DDX56: variants seen among roughly 807,000 people sequenced by gnomAD.
DDX56 encodes the protein probable ATP-dependent RNA helicase DDX56.
Under a neutral mutation model 61.5 loss-of-function variants are expected in DDX56, and 45 were observed. The observed-to-expected ratio is 0.73, with a 90% CI of 0.58 to 0.94. The LOEUF (loss-of-function observed/expected upper bound fraction) is 0.94, where lower values mean the gene tolerates loss of function less well. Ranked by LOEUF, DDX56 falls within the 40% of genes least tolerant of loss-of-function variation. The probability of loss-of-function intolerance (pLI) is 0.00; values close to 1 mark genes in which losing one functional copy is unlikely to be tolerated. For synonymous variants in DDX56, 273 were observed against 268.3 expected, an observed-to-expected ratio of 1.02 and a Z score of -0.17; for missense variants, 708 against 690.7, an observed-to-expected ratio of 1.02 and a Z score of -0.28.
chr7:44,566,121 G>A (rs186524717), intron 13 of DDX56, 42 bp from the exon 14 acceptor site: 7 of 1,366,750 alleles, frequency 5.1e-6, no homozygotes, highest in Non-Finnish European at 7.1e-6. Flanking sequence ...GAATCAGGCC[G>A]ACAGACAATC....
Position 44,572,898 on chromosome 7 carries a change from G to T in DDX56, c.375C>A (p.Val125=), listed in dbSNP as rs142767723. 7 of 1,591,066 alleles carry T rather than the reference G, an allele frequency of 4.4e-6. No homozygotes were observed. In the African/African-American group the frequency reaches 8.1e-5, roughly 18 times the overall value. The change falls in exon 3 of 14, where the codon GTC becomes GTA. Residue 125 remains valine (V), a synonymous_variant. Transcript: ENST00000258772. ...VANVSAAEDS[V]SQRAVLMEKP... ...TTGCTGCTTTTACCCACCTCTGAGA[G>T]ACTGAGTCTTCAGCAGCTGAGACAT...
At chr7:44,567,817 T>C (rs1802580244) in intron 12 of DDX56, 1 of 459,418 alleles carries the variant, frequency 2.2e-6, no homozygotes, top group South Asian at 2.1e-5. Flanking sequence ...GACCCATGGA[T>C]GGCCATTTGG....
chr7:44,571,597 A>T lies in DDX56; in HGVS notation c.785T>A (p.Leu262Gln), dbSNP rs945819203. ...CCGTTCTAGAGTGTTGACAAAGAGC[A>T]GAGACTTGCCCCGAATCAATGACAG... is the stretch of plus-strand genomic sequence containing the variant. ...LKLSLIRGKS[L>Q]LFVNTLERSY... The change falls in exon 6 of 14, where the codon CTG becomes CAG. Residue 262 changes from leucine (L) to glutamine (Q), a missense_variant. Leu to Gln is a moderately radical substitution (Grantham distance 113, BLOSUM62 -2). Coordinates refer to ENST00000258772, the MANE Select transcript of DDX56 (RefSeq NM_019082.4). 4.3e-6 allele frequency: 7 copies of T among 1,614,048 alleles called. No individual in the cohort carries two copies. The highest frequency in any genetic ancestry group is 1.3e-5 in the African/African-American group (1 of 74,924).
chr7:44,568,314 T>TTATCC, intron 11 of DDX56, 91 bp from the exon 12 acceptor site: 1 of 912,038 alleles, frequency 1.1e-6, no homozygotes, highest in Non-Finnish European at 1.7e-6. Flanking sequence ...CACTCATGTG[T>TTATCC]TTCAAAAGGC....
intron 12 of DDX56, 107 bp from the exon 13 acceptor site, chr7:44,566,631 T>G (rs1802544219): frequency 2.4e-6 from 2 of 821,806 alleles, no homozygotes; most frequent in Admixed American, 5.3e-5. Context: ...ACTGGCAGCC[T>G]ATGACATACA....
chr7:44,573,354 G>A (rs1055260590), intron 2 of DDX56, among the ~76,000 whole-genome samples: 1 of 152,224 alleles, frequency 6.6e-6, no homozygotes, highest in Non-Finnish European at 1.5e-5. Context: ...ATGTAAGAAA[G>A]AAAAGAAAGT....
intron 5 of DDX56, among the ~76,000 whole-genome samples, chr7:44,571,997 C>T (rs940884468): frequency 6.6e-6 from 1 of 152,306 alleles, no homozygotes; most frequent in South Asian, 2.1e-4. Flanking sequence ...TAAAGGACTA[C>T]ATTGAGAAGG....
chr7:44,573,899 G>C lies in DDX56; in HGVS notation c.-4C>G. Reference sequence around the variant, plus strand: ...CCAGTGCTTCAGAGTCCTCCATGGCGCTGCTCAGTAGCGCAGCACGCACGC... The same window carrying C: ...CCAGTGCTTCAGAGTCCTCCATGGCCCTGCTCAGTAGCGCAGCACGCACGC... On this transcript the variant is annotated 5_prime_UTR_variant, in exon 1 of 14. Transcript: ENST00000258772. 1 of 1,612,992 alleles carries C rather than the reference G, an allele frequency of 6.2e-7. No homozygotes were observed. Among genetic ancestry groups the C allele is most frequent in the Non-Finnish European group, 8.5e-7 (1 of 1,179,918 alleles).
chr7:44,567,823 T>G, intron 12 of DDX56: 1 of 460,508 alleles, frequency 2.2e-6, no homozygotes. Context: ...TGGATGGCCA[T>G]TTGGCCCAGC....
At chr7:44,571,400 C>T in intron 6 of DDX56, 92 bp downstream of exon 6, 2 of 1,490,918 alleles carry the variant, frequency 1.3e-6, no homozygotes, top group Non-Finnish European at 9.2e-7. Flanking sequence ...AACCTGGCCC[C>T]TACTAAGTGC....
At position 44,569,126 on chromosome 7, in the gene DDX56, T is replaced by A. The variant is rs1802610541; in HGVS notation, c.1293+4A>T. 2 of 1,613,542 alleles carry A rather than the reference T, an allele frequency of 1.2e-6. No individual in the cohort carries two copies. Among genetic ancestry groups the A allele is most frequent in the Non-Finnish European group, 1.7e-6 (2 of 1,179,706 alleles). Reference sequence around the variant, plus strand: ...TCATTCCCCTCCCCACCACAGCAGCTCACCCTGCAGCGATAGCGGAAGCCC... The same window carrying A: ...TCATTCCCCTCCCCACCACAGCAGCACACCCTGCAGCGATAGCGGAAGCCC... On this transcript the variant is annotated splice_donor_region_variant and intron_variant, in intron 10 of 13. Coordinates refer to ENST00000258772, the MANE Select transcript of DDX56 (RefSeq NM_019082.4).
Position 44,573,590 on chromosome 7 carries a change from C to T in DDX56, c.215G>A (p.Arg72Lys), listed in dbSNP as rs768299618. 4 of 1,613,560 alleles carry T rather than the reference C, an allele frequency of 2.5e-6. No individual in the cohort carries two copies. The East Asian group carries it at 6.7e-5, about 27-fold the overall frequency. The stretch of plus-strand genomic sequence containing the variant: ...AGCTCTCTCGTTACCCACCGCCTTC[C>T]TATGGAGCAACAGCTGCAGCATCGG... ...AIPMLQLLLH[R>K]KATGPVVEQA... Residue 72 changes from arginine (R) to lysine (K), a missense_variant, in exon 2 of 14, where the codon AGG (arginine) becomes AAG (lysine). Physicochemically the swap from Arg to Lys is conservative, Grantham distance 26. Transcript: ENST00000258772.
At chr7:44,571,267 G>T (rs1052821322) in intron 6 of DDX56, among the ~76,000 whole-genome samples, 1 of 152,152 alleles carries the variant, frequency 6.6e-6, no homozygotes, top group Non-Finnish European at 1.5e-5. Flanking sequence ...TTGAACTCCC[G>T]ACCTCAGGCG....
rs777678128 is a variant in DDX56 at position 44,573,741 on chromosome 7, C to A, written c.64G>T (p.Val22Phe). The A allele has an allele frequency of 1.9e-6, 3 of 1,613,566 alleles. No individual in the cohort carries two copies. Among genetic ancestry groups the A allele is most frequent in the South Asian group, 2.2e-5 (2 of 91,088 alleles). Reference sequence around the variant, plus strand: ...GGTCGCGACCAGCCCAGATCGGTGACAGCCTAGGAGACCAGGAGTGCGGTT... The same window carrying A: ...GGTCGCGACCAGCCCAGATCGGTGAAAGCCTAGGAGACCAGGAGTGCGGTT... The part of the protein sequence containing the change: ...MGLDPRLLQA[V>F]TDLGWSRPTL... The change falls in exon 2 of 14, where the codon GTC becomes TTC. Residue 22 changes from valine (V) to phenylalanine (F), a missense_variant. Coordinates refer to ENST00000258772, the MANE Select transcript of DDX56 (RefSeq NM_019082.4).
Position 44,569,873 on chromosome 7 carries a change from GACT to G in DDX56, c.1152_1154del (p.Val385del). The G allele has an allele frequency of 6.2e-7, 1 of 1,611,394 alleles. No individual in the cohort carries two copies. Among genetic ancestry groups the G allele is most frequent in the Non-Finnish European group, 8.5e-7 (1 of 1,178,662 alleles). On this transcript the variant is annotated inframe_deletion, in exon 9 of 14. Transcript: ENST00000258772. ...GCTCCGTGGGAAGCACAAAGGTTAA[GACT>G]ATGCCTGGGTTGTTAGCGCGTGCTG... is the stretch of plus-strand genomic sequence containing the variant.
intron 4 of DDX56, 52 bp from the exon 5 acceptor site, chr7:44,572,489 G>A (rs1562585299): frequency 1.2e-6 from 2 of 1,612,936 alleles, no homozygotes; most frequent in Non-Finnish European, 1.7e-6. Flanking sequence ...GCTAATTGTA[G>A]TAACTGGCTT....
chr7:44,569,478 G>A (rs1802619946), intron 9 of DDX56, among the ~76,000 whole-genome samples: 1 of 152,082 alleles, frequency 6.6e-6, no homozygotes, highest in Non-Finnish European at 1.5e-5. Flanking sequence ...GGTATTCCTT[G>A]GGAGTCAAGG....
chr7:44,566,325 C>G (rs532491942), intron 13 of DDX56, 123 bp downstream of exon 13: 4 of 983,772 alleles, frequency 4.1e-6, no homozygotes, highest in Non-Finnish European at 6.3e-6. Flanking sequence ...GGTGCCCCCT[C>G]TTCCCCTCCC....
At chr7:44,568,022 C>A (rs1802584361) in intron 12 of DDX56, 96 bp downstream of exon 12, 9 of 964,230 alleles carry the variant, frequency 9.3e-6, no homozygotes, top group Middle Eastern at 2.8e-4. Context: ...TCTGCCTGAG[C>A]ATCCCCAGCA....
Sources: allele counts gnomAD v4.1 joint callset (sites outside exome capture counted in the v4.1 genomes callset), GRCh38; gene constraint gnomAD v4.1.1; transcripts MANE v1.5; gene names NCBI Gene and HGNC (gene_info 2026-07-23, HGNC 2026-07-21).